The following PARD3B variants were observed in gnomAD, a reference collection of about 807,000 sequenced individuals.
The protein encoded by PARD3B is partitioning defective 3 homolog B.
In PARD3B, 103 loss-of-function variants were observed where a neutral mutation model predicts 130.2. That is an observed-to-expected ratio of 0.79 (90% CI 0.67 to 0.93). The LOEUF (loss-of-function observed/expected upper bound fraction) is 0.93. Among genes scored for constraint, PARD3B ranks in the 40% least tolerant of loss-of-function variants. PARD3B has a pLI of 0.00. For missense variants in PARD3B, 1,609 were observed against 1,499.2 expected, an observed-to-expected ratio of 1.07 and a Z score of -1.21; for synonymous variants, 583 against 553.2, an observed-to-expected ratio of 1.05 and a Z score of -0.76.
rs142640927 is a variant in PARD3B, at chr2:205,362,123, T to G, written c.2631-38890T>G. 7.4e-4 allele frequency among the ~76,000 whole-genome samples: 112 copies of G among 152,336 alleles called. 1 individual carries two copies. In the South Asian group the frequency reaches 0.017, roughly 23 times the overall value. On this transcript the variant is annotated intron_variant, in intron 18 of 22. Transcript: ENST00000406610. ...AGCATCAAAATTCATTCCCAAAGAT[T>G]CTTGCTAAAAGAAGCTGGTGACAAT...
intron 2 of PARD3B, among the ~76,000 whole-genome samples, chr2:204,925,320 T>G (rs954799905): frequency 2.0e-5 from 3 of 152,004 alleles, no homozygotes; most frequent in Admixed American, 1.3e-4. Flanking sequence ...ATAAATCAAT[T>G]TTTATTGTTT....
intron 20 of PARD3B, among the ~76,000 whole-genome samples, chr2:205,441,019 G>A (rs1223369612): frequency 6.6e-6 from 1 of 152,192 alleles, no homozygotes; most frequent in Non-Finnish European, 1.5e-5. Context: ...CAGGAAGATG[G>A]CATGGCACAT....
chr2:204,549,754 T>C (rs1184191504), intron 1 of PARD3B, among the ~76,000 whole-genome samples: 2 of 152,218 alleles, frequency 1.3e-5, no homozygotes, highest in African/African-American at 2.4e-5. Context: ...AGCAACAGAA[T>C]AAGCACAATA....
At chr2:204,773,638 C>T (rs2041487282) in intron 2 of PARD3B, among the ~76,000 whole-genome samples, 1 of 152,096 alleles carries the variant, frequency 6.6e-6, no homozygotes, top group Admixed American at 6.6e-5. Flanking sequence ...ATGTGCTTGT[C>T]AACTGTTCCC....
chr2:205,558,069 G>A lies in PARD3B; in HGVS notation c.3260+4666G>A, dbSNP rs183369021. Among the ~76,000 whole-genome samples the A allele has an allele frequency of 6.6e-6, 1 of 152,330 alleles. No homozygotes were observed. The highest frequency in any genetic ancestry group is 1.9e-4 in the East Asian group (1 of 5,182). ...CAGTGGTCTGGATGGTCAAGTGCAA[G>A]AGAACATAGCAATCTACTGTGATCT... is the stretch of plus-strand genomic sequence containing the variant. On this transcript the variant is annotated intron_variant, in intron 22 of 22. Coordinates refer to ENST00000406610, the MANE Select transcript of PARD3B (RefSeq NM_001302769.2). The surrounding 1 kb of genome is among the most constrained non-coding windows in gnomAD (Gnocchi z 4.8).
intron 15 of PARD3B, among the ~76,000 whole-genome samples, chr2:205,198,976 TAAAGA>T (rs553980978): frequency 6.0e-4 from 92 of 152,218 alleles, no homozygotes; most frequent in African/African-American, 2.1e-3. Flanking sequence ...AACTTTGACT[TAAAGA>T]AAAGAACCTG....
At chr2:205,005,658 GGT>G (rs1695203239) in intron 3 of PARD3B, among the ~76,000 whole-genome samples, 1 of 152,058 alleles carries the variant, frequency 6.6e-6, no homozygotes. Flanking sequence ...ATATTTATAT[GGT>G]GAAGGTAATG....
At chr2:205,503,991 A>G (rs2050256132) in intron 21 of PARD3B, among the ~76,000 whole-genome samples, 1 of 152,170 alleles carries the variant, frequency 6.6e-6, no homozygotes, top group Non-Finnish European at 1.5e-5. Flanking sequence ...TTATTGGTGT[A>G]TAAGAATGCT....
Position 205,331,782 on chromosome 2 carries a change from C to CAAAA in PARD3B, c.2630+30101_2630+30104dup, listed in dbSNP as rs56654511. ...TGGGCGACAGAGTGAGACTCCGTCT[C>CAAAA]AAAAAAAAAAAAAAAAAAAAAAAGA... On this transcript the variant is annotated intron_variant, in intron 18 of 22. Coordinates refer to ENST00000406610, the MANE Select transcript of PARD3B (RefSeq NM_001302769.2). 4.8e-4 allele frequency among the ~76,000 whole-genome samples: 23 copies of CAAAA among 48,394 alleles called. 3 individuals are homozygous for CAAAA. The highest frequency in any genetic ancestry group is 3.0e-3 in the East Asian group (4 of 1,346). 31.7% of individuals were successfully genotyped at this position (48,394 alleles called of 152,430 possible).
chr2:205,614,715 A>T (rs1180411115), intron 22 of PARD3B, among the ~76,000 whole-genome samples: 3 of 151,366 alleles, frequency 2.0e-5, no homozygotes, highest in Non-Finnish European at 2.9e-5. Flanking sequence ...CAAAAAAAAA[A>T]TTAAAAAAAA....
intron 19 of PARD3B, among the ~76,000 whole-genome samples, chr2:205,413,013 ATGG>A (rs1477744835): frequency 3.9e-5 from 6 of 152,210 alleles, no homozygotes; most frequent in African/African-American, 1.4e-4. Context: ...CAGCCAATAA[ATGG>A]TGAACTTACT....
At chr2:205,615,039 C>T (rs753571425) in intron 22 of PARD3B, among the ~76,000 whole-genome samples, 8 of 152,180 alleles carry the variant, frequency 5.3e-5, no homozygotes, top group Non-Finnish European at 1.0e-4. Context: ...GGCAAACTCA[C>T]TGCCTTGTTT....
intron 21 of PARD3B, among the ~76,000 whole-genome samples, chr2:205,545,752 GC>G (rs2052353644): frequency 6.6e-6 from 1 of 152,052 alleles, no homozygotes; most frequent in South Asian, 2.1e-4. Context: ...AATTGTTTCC[GC>G]TTTTCATCAG....
intron 2 of PARD3B, among the ~76,000 whole-genome samples, chr2:204,948,470 C>T (rs1689509275): frequency 6.6e-6 from 1 of 152,166 alleles, no homozygotes; most frequent in Non-Finnish European, 1.5e-5. Flanking sequence ...ACATGGAGCA[C>T]TTACTTGAGA....
intron 2 of PARD3B, among the ~76,000 whole-genome samples, chr2:204,806,913 A>G (rs181799273): frequency 8.0e-4 from 122 of 152,278 alleles, no homozygotes; most frequent in African/African-American, 2.9e-3. Flanking sequence ...GCATTAGCCT[A>G]TTTTCATACT....
At chr2:205,053,967 G>A (rs188240632) in intron 4 of PARD3B, among the ~76,000 whole-genome samples, 7 of 152,144 alleles carry the variant, frequency 4.6e-5, no homozygotes, top group South Asian at 4.1e-4. Context: ...AGCTGTTCAC[G>A]CTGTGTGCTG....
intron 2 of PARD3B, among the ~76,000 whole-genome samples, chr2:204,947,649 C>T (rs1025512799): frequency 1.0e-4 from 15 of 148,828 alleles, no homozygotes; most frequent in African/African-American, 3.7e-4. Flanking sequence ...AATTCACTGA[C>T]TTTTTCCAGG....
At chr2:204,644,560 A>G (rs1273159035) in intron 1 of PARD3B, among the ~76,000 whole-genome samples, 5 of 152,160 alleles carry the variant, frequency 3.3e-5, no homozygotes, top group African/African-American at 7.2e-5. Context: ...TCTCTTTCAA[A>G]ATTAGAATAT....
Position 205,486,198 on chromosome 2 carries a change from A to G in PARD3B, c.3045-13698A>G, listed in dbSNP as rs371943233. On this transcript the variant is annotated intron_variant, in intron 20 of 22. Transcript: ENST00000406610. ...TCTATTCTGTTTTGAAGAGAAAGCC[A>G]GCATTCCCCTAGCAAGGATTTATAA... Among the ~76,000 whole-genome samples, 7 of 152,362 alleles carry G rather than the reference A, an allele frequency of 4.6e-5. No homozygotes were observed. In the East Asian group the frequency reaches 1.3e-3, roughly 29 times the overall value.
Sources: gnomAD v4.1 joint callset for allele counts (sites outside exome capture counted in the v4.1 genomes callset) on GRCh38, gnomAD v4.1.1 for gene constraint, Gnocchi (gnomAD v3.1) non-coding constraint, MANE v1.5 for transcripts, NCBI Gene and HGNC (gene_info 2026-07-23, HGNC 2026-07-21) for gene names.